Variants in PPP2R5A observed in about 807,000 individuals in gnomAD.
PPP2R5A encodes protein phosphatase 2 regulatory subunit B'alpha.
In PPP2R5A, 25 loss-of-function variants were observed where a neutral mutation model predicts 64.2. That is an observed-to-expected ratio of 0.39 (90% CI 0.28 to 0.54). The LOEUF is 0.54. Among genes scored for constraint, PPP2R5A ranks in the 20% least tolerant of loss-of-function variants. The probability of loss-of-function intolerance (pLI) is 0.67; values close to 1 mark genes in which losing one functional copy is unlikely to be tolerated. For synonymous variants in PPP2R5A, 198 were observed against 201.2 expected, an observed-to-expected ratio of 0.98 and a Z score of 0.13; for missense variants, 425 against 576.3, an observed-to-expected ratio of 0.74 and a Z score of 2.69.
At chr1:212,305,335 T>A (rs1309978567) in intron 1 of PPP2R5A, among the ~76,000 whole-genome samples, 2 of 152,110 alleles carry the variant, frequency 1.3e-5, no homozygotes, top group African/African-American at 4.8e-5. Context: ...AGCCCCCAAT[T>A]TTTTAATGTT....
chr1:212,348,234 A>G (rs753490391), intron 6 of PPP2R5A, among the ~76,000 whole-genome samples, 155 bp from the exon 7 acceptor site: 11 of 152,232 alleles, frequency 7.2e-5, no homozygotes, highest in Non-Finnish European at 1.3e-4. Context: ...AACAGACTTC[A>G]TAGTAATAGT....
chr1:212,324,093 C>T (rs900546453), intron 1 of PPP2R5A, among the ~76,000 whole-genome samples: 1 of 151,740 alleles, frequency 6.6e-6, no homozygotes, highest in Non-Finnish European at 1.5e-5. Context: ...AAATGTGTAA[C>T]ATGTTCTTAA....
chr1:212,301,738 C>A, intron 1 of PPP2R5A: 1 of 897,626 alleles, frequency 1.1e-6, no homozygotes, highest in Non-Finnish European at 1.3e-6. Flanking sequence ...TATTCTGTGC[C>A]AGTTTCTTAA....
intron 1 of PPP2R5A, chr1:212,309,517 A>T (rs990424919): frequency 2.6e-6 from 2 of 754,986 alleles, no homozygotes; most frequent in Non-Finnish European, 4.8e-6. Context: ...TTTCGGCGCC[A>T]TCTTGTGAAA....
At chr1:212,346,265 T>G (rs574849604) in intron 5 of PPP2R5A, among the ~76,000 whole-genome samples, 1 of 151,980 alleles carries the variant, frequency 6.6e-6, no homozygotes, top group Non-Finnish European at 1.5e-5. Context: ...GTGTAACATA[T>G]ATATGTAACG....
At chr1:212,352,968 G>C (rs1311887439) in intron 8 of PPP2R5A, 1 of 517,808 alleles carries the variant, frequency 1.9e-6, no homozygotes, top group Admixed American at 1.9e-5. Flanking sequence ...GAGGAAAAAT[G>C]ACAAGCATTT....
chr1:212,306,155 A>G lies in PPP2R5A; in HGVS notation c.181+19864A>G, dbSNP rs571799871. ...CTAAACTAATCCTGGTTGGCTAAAC[A>G]TTGTATTTTTTTTAGATAGGGTGGG... On this transcript the variant is annotated intron_variant, in intron 1 of 12. Coordinates refer to ENST00000261461, the MANE Select transcript of PPP2R5A (RefSeq NM_006243.4). 1.5e-3 allele frequency among the ~76,000 whole-genome samples: 232 copies of G among 152,224 alleles called. 1 individual carries two copies. Among genetic ancestry groups the G allele is most frequent in the Non-Finnish European group, 1.2e-3 (80 of 68,022 alleles).
At chr1:212,322,755 TTTTATTTA>T (rs59766947) in intron 1 of PPP2R5A, among the ~76,000 whole-genome samples, 15,072 of 147,044 alleles carry the variant, frequency 0.1, 1,877 homozygotes, top group African/African-American at 0.3. Flanking sequence ...TTAATTCTCA[TTTTATTTA>T]TTTATTTATT....
chr1:212,344,244 G>C (rs1659735942), intron 4 of PPP2R5A, among the ~76,000 whole-genome samples: 1 of 152,184 alleles, frequency 6.6e-6, no homozygotes, highest in Admixed American at 6.5e-5. Flanking sequence ...AAAGTGCTGG[G>C]ATTACAGTTG....
At chr1:212,321,219 G>A (rs1445370909) in intron 1 of PPP2R5A, among the ~76,000 whole-genome samples, 3 of 146,796 alleles carry the variant, frequency 2.0e-5, no homozygotes, top group East Asian at 4.2e-4. Context: ...TTCCCAGACG[G>A]GGCGGCTGGC....
chr1:212,346,912 C>A (rs1041772585), intron 5 of PPP2R5A, among the ~76,000 whole-genome samples: 1 of 152,160 alleles, frequency 6.6e-6, no homozygotes, highest in Non-Finnish European at 1.5e-5. Context: ...AAAGGCAGCC[C>A]TAATCTTGGA....
intron 1 of PPP2R5A, among the ~76,000 whole-genome samples, chr1:212,290,323 G>A (rs756510055): frequency 2.0e-5 from 3 of 152,164 alleles, no homozygotes; most frequent in Non-Finnish European, 4.4e-5. Flanking sequence ...AGAGAAAACC[G>A]TACTACTCAC....
intron 10 of PPP2R5A, 37 bp downstream of exon 10, chr1:212,357,106 G>C (rs369095453): frequency 1.3e-6 from 2 of 1,584,978 alleles, no homozygotes; most frequent in African/African-American, 2.7e-5. Context: ...CTTTACACTA[G>C]TATTTCTTTC....
intron 1 of PPP2R5A, among the ~76,000 whole-genome samples, chr1:212,328,789 A>G (rs530234781): frequency 2.0e-5 from 3 of 152,304 alleles, no homozygotes; most frequent in Admixed American, 1.3e-4. Context: ...AAGACGCCGA[A>G]TCAGTAACAT....
intron 7 of PPP2R5A, among the ~76,000 whole-genome samples, chr1:212,348,714 C>T (rs1222837678): frequency 6.6e-6 from 1 of 152,172 alleles, no homozygotes; most frequent in Non-Finnish European, 1.5e-5. Flanking sequence ...TTAAGATACA[C>T]ACTTTCCTCA....
intron 2 of PPP2R5A, among the ~76,000 whole-genome samples, chr1:212,329,920 A>T (rs750935426): frequency 6.6e-6 from 1 of 152,182 alleles, no homozygotes; most frequent in South Asian, 2.1e-4. Context: ...CTGGGATTAT[A>T]GGCGTGAGCC....
At chr1:212,304,790 T>G (rs1658865882) in intron 1 of PPP2R5A, among the ~76,000 whole-genome samples, 1 of 145,562 alleles carries the variant, frequency 6.9e-6, no homozygotes, top group Non-Finnish European at 1.5e-5. Context: ...TGGAGTGCAG[T>G]GGCATGATCT....
chr1:212,309,572 A>AACTT, intron 1 of PPP2R5A: 1 of 701,472 alleles, frequency 1.4e-6, no homozygotes, highest in Non-Finnish European at 2.5e-6. Flanking sequence ...CTTTGAACAT[A>AACTT]TATAATGACT....
At chr1:212,310,514 C>T (rs1659009249) in intron 1 of PPP2R5A, among the ~76,000 whole-genome samples, 1 of 152,164 alleles carries the variant, frequency 6.6e-6, no homozygotes, top group African/African-American at 2.4e-5. Flanking sequence ...CCCCATCCCC[C>T]ACAAAATCTC....
Sources: allele counts gnomAD v4.1 joint callset (sites outside exome capture counted in the v4.1 genomes callset), GRCh38; gene constraint gnomAD v4.1.1; transcripts MANE v1.5; gene names NCBI Gene and HGNC (gene_info 2026-07-23, HGNC 2026-07-21).